TBC1D32: variants seen among roughly 807,000 people sequenced by gnomAD.
The protein encoded by TBC1D32 is protein broad-minded.
A neutral mutation model predicts 170.3 loss-of-function variants in TBC1D32; 151 were observed. That is an observed-to-expected ratio of 0.89 (90% CI 0.78 to 1.01). TBC1D32 has a LOEUF of 1.01. Ranked by LOEUF, TBC1D32 falls within the 50% of genes least tolerant of loss-of-function variation. The pLI, the probability that TBC1D32 is intolerant of heterozygous loss-of-function variation, is 0.00. For missense variants in TBC1D32, 1,464 were observed against 1,457.1 expected (o/e 1.00, Z -0.08); for synonymous variants, 498 against 488.0 (o/e 1.02, Z -0.27).
intron 1 of TBC1D32, 68 bp from the exon 2 acceptor site, chr6:121,321,862 CAGAA>C: frequency 3.7e-6 from 5 of 1,360,426 alleles, no homozygotes; most frequent in Admixed American, 2.2e-5. Context: ...AAAATCAACA[CAGAA>C]AGGTAACATA....
chr6:121,103,526 T>C (rs1319483544), intron 30 of TBC1D32, among the ~76,000 whole-genome samples: 3 of 138,186 alleles, frequency 2.2e-5, no homozygotes, highest in East Asian at 4.3e-4. Context: ...TAGGTGGGAA[T>C]TGAACAACGA....
At chr6:121,151,352 T>C (rs563263728) in intron 24 of TBC1D32, among the ~76,000 whole-genome samples, 37 of 152,352 alleles carry the variant, frequency 2.4e-4, no homozygotes, top group African/African-American at 8.7e-4. Context: ...TTGATTGCAC[T>C]GTGGTCTGAG....
At chr6:121,123,213 T>C (rs1268692586) in intron 26 of TBC1D32, among the ~76,000 whole-genome samples, 2 of 152,132 alleles carry the variant, frequency 1.3e-5, no homozygotes, top group Admixed American at 6.6e-5. Flanking sequence ...GTTCCTTCTA[T>C]ACCCAATTTG....
chr6:121,124,543 C>T (rs538471060), intron 26 of TBC1D32, among the ~76,000 whole-genome samples: 1 of 151,876 alleles, frequency 6.6e-6, no homozygotes, highest in South Asian at 2.1e-4. Flanking sequence ...TGACCTTTGA[C>T]CTTCTTGTAT....
Position 121,080,961 on chromosome 6 carries a change from A to G in TBC1D32, c.3655-71T>C, listed in dbSNP as rs1775581013. On this transcript the variant is annotated intron_variant, in intron 31 of 31. Coordinates refer to ENST00000398212, the MANE Select transcript of TBC1D32 (RefSeq NM_152730.6). ...ACAATTCCAAGTTAATGAATTTTAA[A>G]TAATTGATATACCATTTATTTTCAG... 6 of 1,546,270 alleles carry G rather than the reference A, an allele frequency of 3.9e-6. 1 individual carries two copies. The highest frequency in any genetic ancestry group is 2.3e-5 in the East Asian group (1 of 44,252).
At chr6:121,126,602 T>C in intron 25 of TBC1D32, 141 bp from the exon 26 acceptor site, 2 of 535,068 alleles carry the variant, frequency 3.7e-6, no homozygotes, top group Non-Finnish European at 3.3e-6. Context: ...AAATGCGTAC[T>C]GTTTTAGTAT....
chr6:121,149,548 T>C (rs576593307), intron 24 of TBC1D32, among the ~76,000 whole-genome samples: 1 of 152,316 alleles, frequency 6.6e-6, no homozygotes, highest in Admixed American at 6.5e-5. Flanking sequence ...GTCAGGTTTG[T>C]CAAAGATCAG....
chr6:121,113,687 A>G (rs114273650), intron 27 of TBC1D32, among the ~76,000 whole-genome samples: 427 of 152,268 alleles, frequency 2.8e-3, no homozygotes, highest in African/African-American at 9.8e-3. Context: ...CAAATGTCCT[A>G]TTTGTTACTG....
At chr6:121,155,810 AT>A (rs1315441557) in intron 24 of TBC1D32, among the ~76,000 whole-genome samples, 10 of 152,130 alleles carry the variant, frequency 6.6e-5, no homozygotes, top group Admixed American at 1.3e-4. Flanking sequence ...AATCACATTC[AT>A]TGATTTGCAT....
chr6:121,284,249 C>T (rs1465823462), intron 12 of TBC1D32, among the ~76,000 whole-genome samples: 1 of 151,878 alleles, frequency 6.6e-6, no homozygotes, highest in African/African-American at 2.4e-5. Context: ...ATTCAGCTTA[C>T]CAAGTTGGTC....
chr6:121,268,976 G>C (rs563126064), intron 15 of TBC1D32, among the ~76,000 whole-genome samples: 21 of 152,262 alleles, frequency 1.4e-4, no homozygotes, highest in African/African-American at 5.1e-4. Flanking sequence ...TTGAAGAAAA[G>C]AATTTTCAAC....
chr6:121,279,317 C>G (rs915898703), intron 14 of TBC1D32, 72 bp from the exon 15 acceptor site: 18 of 1,511,896 alleles, frequency 1.2e-5, no homozygotes, highest in Non-Finnish European at 1.5e-5. Flanking sequence ...GACTAAAATC[C>G]GAGGATTGTA....
At chr6:121,231,334 TG>T (rs1795710675) in intron 20 of TBC1D32, among the ~76,000 whole-genome samples, 1 of 152,200 alleles carries the variant, frequency 6.6e-6, no homozygotes, top group African/African-American at 2.4e-5. Context: ...GATGTGCATG[TG>T]GGCAGTTCCA....
intron 11 of TBC1D32, among the ~76,000 whole-genome samples, chr6:121,292,411 G>C (rs1805001806): frequency 6.6e-6 from 1 of 152,048 alleles, no homozygotes; most frequent in Non-Finnish European, 1.5e-5. Flanking sequence ...CCTCAGAAAA[G>C]AATAGTATAC....
At chr6:121,085,277 GTA>G (rs1319946064) in intron 31 of TBC1D32, among the ~76,000 whole-genome samples, 2 of 94,874 alleles carry the variant, frequency 2.1e-5, no homozygotes, top group Non-Finnish European at 3.6e-5. Flanking sequence ...ACATATATAC[GTA>G]TATATATACA....
chr6:121,094,582 T>A (rs1582737738), intron 30 of TBC1D32, among the ~76,000 whole-genome samples: 1 of 152,294 alleles, frequency 6.6e-6, no homozygotes, highest in East Asian at 1.9e-4. Flanking sequence ...TAACAATTAT[T>A]ATGGAATTTT....
intron 15 of TBC1D32, among the ~76,000 whole-genome samples, chr6:121,258,918 A>C (rs1393357472): frequency 1.3e-5 from 2 of 152,050 alleles, no homozygotes; most frequent in Non-Finnish European, 2.9e-5. Context: ...ATTCAGAAGA[A>C]AATCTAACAT....
chr6:121,268,372 T>A (rs756439888), intron 15 of TBC1D32, among the ~76,000 whole-genome samples: 11 of 152,110 alleles, frequency 7.2e-5, no homozygotes, highest in Non-Finnish European at 1.3e-4. Context: ...CAGAAAAGAT[T>A]AGATGAATGG....
At chr6:121,294,533 A>G (rs747633636) in intron 11 of TBC1D32, 37 bp downstream of exon 11, 22 of 1,497,438 alleles carry the variant, frequency 1.5e-5, no homozygotes, top group Middle Eastern at 2.1e-4. Flanking sequence ...AAAATTTACC[A>G]TTTTTAAAAG....
Sources: gnomAD v4.1 joint callset for allele counts (sites outside exome capture counted in the v4.1 genomes callset) on GRCh38, gnomAD v4.1.1 for gene constraint, MANE v1.5 for transcripts, NCBI Gene and HGNC (gene_info 2026-07-23, HGNC 2026-07-21) for gene names.